Variants in COL8A1 observed in about 807,000 individuals in gnomAD.
COL8A1 encodes collagen type VIII alpha 1 chain.
In COL8A1, 21 loss-of-function variants were observed where a neutral mutation model predicts 42.7. The ratio of observed to expected loss-of-function variants is 0.49; its 90% CI spans 0.35 to 0.71. The LOEUF (loss-of-function observed/expected upper bound fraction) is 0.71, where lower values mean the gene tolerates loss of function less well. Ranked by LOEUF, COL8A1 falls within the 30% of genes least tolerant of loss-of-function variation. The pLI, the probability that COL8A1 is intolerant of heterozygous loss-of-function variation, is 0.01. For missense variants in COL8A1, 788 were observed against 962.4 expected, an observed-to-expected ratio of 0.82 and a Z score of 2.40; for synonymous variants, 367 against 369.1, an observed-to-expected ratio of 0.99 and a Z score of 0.06.
chr3:99,705,538 T>A (rs900630031), intron 1 of COL8A1, among the ~76,000 whole-genome samples: 17 of 152,244 alleles, frequency 1.1e-4, no homozygotes, highest in Admixed American at 8.5e-4. Context: ...TTCTTTGTAC[T>A]TGAATTATTT....
intron 2 of COL8A1, among the ~76,000 whole-genome samples, chr3:99,774,837 G>T (rs1941661542): frequency 6.7e-6 from 1 of 150,218 alleles, no homozygotes; most frequent in Non-Finnish European, 1.5e-5. Flanking sequence ...ACTAAAAAAG[G>T]TGATCAATGA....
intron 1 of COL8A1, among the ~76,000 whole-genome samples, chr3:99,654,998 C>G (rs374572300): frequency 6.6e-6 from 1 of 152,080 alleles, no homozygotes; most frequent in African/African-American, 2.4e-5. Context: ...CACCATGTGC[C>G]AAGCCCTGTG....
At chr3:99,763,842 G>C (rs1941409970) in intron 2 of COL8A1, among the ~76,000 whole-genome samples, 1 of 151,792 alleles carries the variant, frequency 6.6e-6, no homozygotes, top group Non-Finnish European at 1.5e-5. Context: ...CCCAGTAGTT[G>C]GAGGCCTCAC....
At chr3:99,679,136 T>A (rs1236252181) in intron 1 of COL8A1, 1 of 152,240 alleles carries the variant, frequency 6.6e-6, no homozygotes, top group Non-Finnish European at 1.5e-5. Flanking sequence ...AATAAGATTG[T>A]TTCTTTCTGA....
intron 1 of COL8A1, among the ~76,000 whole-genome samples, chr3:99,658,083 C>T (rs1938081907): frequency 2.0e-5 from 3 of 148,914 alleles, no homozygotes; most frequent in African/African-American, 4.9e-5. Flanking sequence ...GCCGAGATCG[C>T]ACCACTGCAC....
intron 1 of COL8A1, among the ~76,000 whole-genome samples, chr3:99,692,518 C>T (rs184267333): frequency 3.9e-5 from 6 of 152,316 alleles, no homozygotes; most frequent in Admixed American, 3.9e-4. Context: ...AGAAAAAAGG[C>T]AAGTTAGTAC....
Position 99,779,610 on chromosome 3 carries a change from T to C in COL8A1, c.-3-11070T>C, listed in dbSNP as rs143874486. 9.3e-4 allele frequency among the ~76,000 whole-genome samples: 142 copies of C among 152,298 alleles called. 2 individuals carry two copies. In the East Asian group the frequency reaches 0.024, roughly 25 times the overall value. ...GGACGAGATCCAGCCTTTGAACTAG[T>C]GTTTCCATGTGGCTAACAGGTAGGA... On this transcript the variant is annotated intron_variant, in intron 2 of 3. Transcript: ENST00000652472.
chr3:99,656,092 T>C (rs1158008726), intron 1 of COL8A1, among the ~76,000 whole-genome samples: 8 of 152,148 alleles, frequency 5.3e-5, no homozygotes, highest in Non-Finnish European at 1.2e-4. Flanking sequence ...CTTTTAAAAA[T>C]GAAAAACATT....
chr3:99,734,068 G>T (rs1940618939), intron 1 of COL8A1, among the ~76,000 whole-genome samples: 2 of 152,128 alleles, frequency 1.3e-5, no homozygotes, highest in South Asian at 2.1e-4. Flanking sequence ...CACATGAGTA[G>T]GTTGTGAAAA....
At chr3:99,663,896 A>C (rs1488927182) in intron 1 of COL8A1, among the ~76,000 whole-genome samples, 1 of 152,178 alleles carries the variant, frequency 6.6e-6, no homozygotes, top group Non-Finnish European at 1.5e-5. Context: ...GAGTTCTATC[A>C]AATTATGTCC....
chr3:99,696,693 G>A (rs931750169), intron 1 of COL8A1, among the ~76,000 whole-genome samples: 5 of 152,150 alleles, frequency 3.3e-5, no homozygotes, highest in South Asian at 2.1e-4. Flanking sequence ...ATCAGTCCCC[G>A]GGGTTACGCA....
intron 1 of COL8A1, among the ~76,000 whole-genome samples, chr3:99,659,553 C>T (rs759591649): frequency 3.6e-4 from 55 of 152,090 alleles, no homozygotes; most frequent in Non-Finnish European, 7.2e-4. Context: ...GGTTTTAAAG[C>T]CCTAATTTTG....
intron 1 of COL8A1, among the ~76,000 whole-genome samples, chr3:99,648,945 A>G (rs916393081): frequency 6.6e-6 from 1 of 152,076 alleles, no homozygotes; most frequent in Non-Finnish European, 1.5e-5. Flanking sequence ...AAATAAATAT[A>G]CCTCAAGCCC....
intron 1 of COL8A1, among the ~76,000 whole-genome samples, chr3:99,670,947 T>G (rs913362331): frequency 5.0e-5 from 7 of 139,332 alleles, no homozygotes; most frequent in Admixed American, 1.5e-4. Context: ...TCATCCGGGG[T>G]GTGTGTGTGT....
intron 1 of COL8A1, among the ~76,000 whole-genome samples, chr3:99,742,733 A>G (rs1377854166): frequency 6.6e-6 from 1 of 152,200 alleles, no homozygotes; most frequent in Non-Finnish European, 1.5e-5. Flanking sequence ...AAGCAGTTTC[A>G]TCAGCTACCA....
At chr3:99,729,921 T>G (rs1202117085) in intron 1 of COL8A1, among the ~76,000 whole-genome samples, 1 of 152,094 alleles carries the variant, frequency 6.6e-6, no homozygotes. Context: ...AAATGTGCAG[T>G]CCCTATGGAA....
intron 1 of COL8A1, among the ~76,000 whole-genome samples, chr3:99,693,928 G>A (rs146972026): frequency 1.6e-3 from 236 of 152,164 alleles, no homozygotes; most frequent in African/African-American, 3.6e-3. Context: ...CTTTTATACC[G>A]TATTTTTACT....
chr3:99,720,505 A>G (rs1940119745), intron 1 of COL8A1, among the ~76,000 whole-genome samples: 1 of 152,088 alleles, frequency 6.6e-6, no homozygotes, highest in Admixed American at 6.6e-5. Context: ...TGCCAATCTG[A>G]ATTTTTCTTT....
rs902534643 is a variant in COL8A1 at position 99,798,545 on chromosome 3, C to T, written c.*2409C>T. The T allele has an allele frequency of 1.3e-5, 2 of 151,970 alleles. No homozygotes were observed. The highest frequency in any genetic ancestry group is 2.9e-5 in the Non-Finnish European group (2 of 68,002). The allele number at this position is 151,970 out of a possible 1,614,324, so 9.4% of individuals were successfully genotyped here. Reference sequence around the variant, plus strand: ...AGAGAAATTATCTTTTTAGTTAAAACCAAATTTCACTTTTCAAAATATCTT... The same window carrying T: ...AGAGAAATTATCTTTTTAGTTAAAATCAAATTTCACTTTTCAAAATATCTT... On this transcript the variant is annotated 3_prime_UTR_variant, in exon 4 of 4. Transcript: ENST00000652472.
Sources: allele counts gnomAD v4.1 joint callset (sites outside exome capture counted in the v4.1 genomes callset), GRCh38; gene constraint gnomAD v4.1.1; transcripts MANE v1.5; gene names NCBI Gene and HGNC (gene_info 2026-07-23, HGNC 2026-07-21).